The following LRRC27 variants were observed in gnomAD, a reference collection of about 807,000 sequenced individuals.
LRRC27 encodes the protein leucine rich repeat containing 27, also known as leucine-rich repeat-containing protein 27.
LRRC27 carries 57 observed loss-of-function variants against 55.0 expected under a neutral mutation model. The ratio of observed to expected loss-of-function variants is 1.04; its 90% CI spans 0.84 to 1.29. The LOEUF (loss-of-function observed/expected upper bound fraction) is 1.29. Among genes scored for constraint, LRRC27 ranks in the 50% most tolerant of loss-of-function variants. The probability of loss-of-function intolerance (pLI) is 0.00; values close to 1 mark genes in which losing one functional copy is unlikely to be tolerated. For missense variants in LRRC27, 721 were observed against 651.5 expected, an observed-to-expected ratio of 1.11 and a Z score of -1.16; for synonymous variants, 278 against 251.9, an observed-to-expected ratio of 1.10 and a Z score of -0.98.
intron 2 of LRRC27, 81 bp from the exon 3 acceptor site, chr10:132,337,484 T>C: frequency 6.4e-7 from 1 of 1,560,670 alleles, no homozygotes; most frequent in South Asian, 1.2e-5. Flanking sequence ...AGTAGTTCTT[T>C]TGGAAATAGA....
rs1491187987 is a variant in LRRC27 at position 132,364,443 on chromosome 10, C to CA, written c.1290-981_1290-980insA. On this transcript the variant is annotated intron_variant, in intron 9 of 10. Coordinates refer to ENST00000368614, the MANE Select transcript of LRRC27 (RefSeq NM_030626.3). ...CTTACACCCACGCTTACATCTACCTCCACACCCACACTCACACCCACCCAC... is the reference window on the plus strand; with the variant it reads ...CTTACACCCACGCTTACATCTACCTCACACACCCACACTCACACCCACCCAC... Among the ~76,000 whole-genome samples the CA allele has an allele frequency of 3.8e-5, 5 of 131,736 alleles. 1 individual carries two copies. Among genetic ancestry groups the CA allele is most frequent in the African/African-American group, 6.2e-5 (2 of 32,306 alleles). The allele number at this position is 131,736 out of a possible 152,430, so 86.4% of individuals were successfully genotyped here.
At chr10:132,340,801 TA>T (rs1218352517) in intron 3 of LRRC27, among the ~76,000 whole-genome samples, 113 of 99,302 alleles carry the variant, frequency 1.1e-3, no homozygotes, top group Middle Eastern at 8.8e-3. Context: ...CCGTCTCTAC[TA>T]AAAAAAAAAA....
intron 8 of LRRC27, among the ~76,000 whole-genome samples, chr10:132,356,190 G>C (rs183479160): frequency 2.0e-5 from 3 of 152,258 alleles, no homozygotes; most frequent in African/African-American, 7.2e-5. Context: ...TTTGGCTCCT[G>C]TCTGGGGAAT....
chr10:132,336,546 T>C (rs566519659), intron 2 of LRRC27, among the ~76,000 whole-genome samples: 3 of 152,336 alleles, frequency 2.0e-5, no homozygotes, highest in East Asian at 3.9e-4. Context: ...TGGGGAGGCA[T>C]GTGGTGCTCT....
upstream of LRRC27, among the ~76,000 whole-genome samples, chr10:132,330,859 C>G (rs1006671548): frequency 6.6e-6 from 1 of 151,514 alleles, no homozygotes; most frequent in Non-Finnish European, 1.5e-5. Context: ...AACGTAAATC[C>G]CCTCAAAGTG....
Position 132,374,642 on chromosome 10 carries a change from C to T in LRRC27, c.1417-424C>T, listed in dbSNP as rs536792156. Reference sequence around the variant, plus strand: ...CCCCATCTGCTTCCCAGGACAGTTACGGCTCTAAGGTGTGGTCTTGGCTGT... The same window carrying T: ...CCCCATCTGCTTCCCAGGACAGTTATGGCTCTAAGGTGTGGTCTTGGCTGT... On this transcript the variant is annotated intron_variant, in intron 10 of 10. Transcript: ENST00000368614. The surrounding 1 kb of genome is among the most constrained non-coding windows in gnomAD (Gnocchi z 4.4). Among the ~76,000 whole-genome samples the T allele has an allele frequency of 2.5e-4, 38 of 152,314 alleles. No homozygotes were observed. The South Asian group carries it at 4.3e-3, about 17-fold the overall frequency.
At chr10:132,338,227 A>G (rs191384544) in intron 3 of LRRC27, among the ~76,000 whole-genome samples, 1 of 152,140 alleles carries the variant, frequency 6.6e-6, no homozygotes, top group East Asian at 1.9e-4. Context: ...GAGGCAGGAG[A>G]ATTGCTTGAC....
chr10:132,365,170 G>C (rs1207216997), intron 9 of LRRC27, among the ~76,000 whole-genome samples: 1 of 152,252 alleles, frequency 6.6e-6, no homozygotes, highest in Non-Finnish European at 1.5e-5. Context: ...AATAGTGTGT[G>C]TTCTGGCAGC....
intron 7 of LRRC27, among the ~76,000 whole-genome samples, 193 bp downstream of exon 7, chr10:132,351,946 A>G (rs1013795047): frequency 6.6e-6 from 1 of 152,228 alleles, no homozygotes; most frequent in Non-Finnish European, 1.5e-5. Flanking sequence ...AGCGCCACGC[A>G]CGGGCTCGCT....
At chr10:132,366,785 G>C (rs2069100720) in intron 10 of LRRC27, 1 of 1,155,452 alleles carries the variant, frequency 8.7e-7, no homozygotes, top group African/African-American at 1.6e-5. Context: ...TGGCCTTCCT[G>C]TCCCCACACC....
Position 132,341,178 on chromosome 10 carries a change from C to A in LRRC27, c.342-1035C>A, listed in dbSNP as rs560408815. On this transcript the variant is annotated intron_variant, in intron 3 of 10. Transcript: ENST00000368614. Reference sequence around the variant, plus strand: ...AGGCATGGTGGCACACACCATTAGTCTCAGCTCAGCCAGGCGTGGTGGCAC... The same window carrying A: ...AGGCATGGTGGCACACACCATTAGTATCAGCTCAGCCAGGCGTGGTGGCAC... 8.6e-4 allele frequency among the ~76,000 whole-genome samples: 131 copies of A among 152,186 alleles called. 1 individual carries two copies. The highest frequency in any genetic ancestry group is 2.7e-3 in the African/African-American group (110 of 41,508).
chr10:132,335,143 G>A (rs898132501), intron 2 of LRRC27: 3 of 152,226 alleles, frequency 2.0e-5, no homozygotes, highest in African/African-American at 7.2e-5. Flanking sequence ...TGGACTCAGA[G>A]AACAGTGGAA....
At chr10:132,357,120 C>T (rs1005269432) in intron 8 of LRRC27, among the ~76,000 whole-genome samples, 2 of 152,224 alleles carry the variant, frequency 1.3e-5, no homozygotes, top group Non-Finnish European at 2.9e-5. Flanking sequence ...CGTCTCCCCC[C>T]GGCCCAGCTT....
At chr10:132,355,710 G>A in intron 7 of LRRC27, 80 bp from the exon 8 acceptor site, 1 of 1,098,168 alleles carries the variant, frequency 9.1e-7, no homozygotes, top group South Asian at 1.4e-5. Flanking sequence ...GCACCGCAAG[G>A]CTGTAGAATG....
At chr10:132,353,018 G>T in intron 7 of LRRC27, 1 of 1,600,642 alleles carries the variant, frequency 6.2e-7, no homozygotes, top group Non-Finnish European at 8.5e-7. Context: ...GGTGTCCTCA[G>T]TGTCTTCTCT....
intron 8 of LRRC27, among the ~76,000 whole-genome samples, chr10:132,357,581 C>T (rs1208494467): frequency 6.6e-6 from 1 of 152,118 alleles, no homozygotes; most frequent in Admixed American, 6.6e-5. Context: ...TGCACAAAAA[C>T]TCTCATTGGT....
At chr10:132,355,003 G>T (rs541290212) in intron 7 of LRRC27, among the ~76,000 whole-genome samples, 4 of 152,344 alleles carry the variant, frequency 2.6e-5, no homozygotes, top group African/African-American at 7.2e-5. Context: ...CGCAGCCCTG[G>T]GCGGCGAGCT....
intron 3 of LRRC27, among the ~76,000 whole-genome samples, chr10:132,338,202 G>C (rs1211438515): frequency 6.6e-6 from 1 of 152,146 alleles, no homozygotes; most frequent in Non-Finnish European, 1.5e-5. Context: ...TGTAATCCCA[G>C]CTCCTCAGGA....
chr10:132,331,392 T>G, upstream of LRRC27: 1 of 1,563,218 alleles, frequency 6.4e-7, no homozygotes, highest in Non-Finnish European at 8.7e-7. Context: ...CGGTGTCATT[T>G]CATCTTCTTC....
Sources: gnomAD v4.1 joint callset for allele counts (sites outside exome capture counted in the v4.1 genomes callset) on GRCh38, gnomAD v4.1.1 for gene constraint, Gnocchi (gnomAD v3.1) non-coding constraint, MANE v1.5 for transcripts, NCBI Gene and HGNC (gene_info 2026-07-23, HGNC 2026-07-21) for gene names.